Variants in SLC29A4 observed in about 807,000 individuals in gnomAD.
SLC29A4 encodes the protein solute carrier family 29 member 4.
Under a neutral mutation model 43.9 loss-of-function variants are expected in SLC29A4, and 36 were observed. The ratio of observed to expected loss-of-function variants is 0.82; its 90% CI spans 0.63 to 1.08. The LOEUF (loss-of-function observed/expected upper bound fraction) is 1.08, where lower values mean the gene tolerates loss of function less well. Ranked by LOEUF, SLC29A4 falls within the 50% of genes least tolerant of loss-of-function variation. The probability of loss-of-function intolerance (pLI) is 0.00; values close to 1 mark genes in which losing one functional copy is unlikely to be tolerated. For missense variants in SLC29A4, 869 were observed against 755.3 expected (o/e 1.15, Z -1.77); for synonymous variants, 491 against 338.0 (o/e 1.45, Z -4.97).
At chr7:5,285,142 G>T (rs562378435) in intron 1 of SLC29A4, among the ~76,000 whole-genome samples, 1 of 152,122 alleles carries the variant, frequency 6.6e-6, no homozygotes, top group East Asian at 1.9e-4. Context: ...GCCTCCCAAC[G>T]ACTCTTGAGC....
chr7:5,290,635 T>C (rs1004682034), intron 2 of SLC29A4, 97 bp from the exon 3 acceptor site: 3 of 1,485,638 alleles, frequency 2.0e-6, no homozygotes, highest in Non-Finnish European at 2.7e-6. Flanking sequence ...GGACAGTGGC[T>C]ATGGTGATGG....
chr7:5,302,737 A>G lies in SLC29A4; in HGVS notation c.1451-60A>G, dbSNP rs1442307563. 19 of 1,504,314 alleles carry G rather than the reference A, an allele frequency of 1.3e-5. No homozygotes were observed. The Admixed American group carries it at 4.0e-4, about 32-fold the overall frequency. The allele number at this position is 1,504,314 out of a possible 1,614,324, so 93.2% of individuals were successfully genotyped here. A position where few individuals can be genotyped will look rare whatever the true frequency, so the allele number is the denominator to read the frequency against. On this transcript the variant is annotated intron_variant, in intron 10 of 10. Coordinates refer to ENST00000396872, the MANE Select transcript of SLC29A4 (RefSeq NM_153247.4). ...GTGTCACCGCACCTCACACCCGAGC[A>G]GCCGTGGCCACCAGGTGGCCGCCCT...
At chr7:5,299,660 C>T (rs1256830130) in intron 9 of SLC29A4, among the ~76,000 whole-genome samples, 2 of 152,204 alleles carry the variant, frequency 1.3e-5, no homozygotes, top group African/African-American at 4.8e-5. Context: ...ACAGGCGTGG[C>T]CCTCACCCTC....
At chr7:5,295,525 C>T (rs865785682) in intron 6 of SLC29A4, among the ~76,000 whole-genome samples, 1 of 152,360 alleles carries the variant, frequency 6.6e-6, no homozygotes. Flanking sequence ...GTCCCCTGGC[C>T]TCCAGCCCCT....
chr7:5,295,119 C>A (rs1173338330), intron 6 of SLC29A4, among the ~76,000 whole-genome samples, 185 bp downstream of exon 6: 1 of 152,122 alleles, frequency 6.6e-6, no homozygotes, highest in African/African-American at 2.4e-5. Context: ...AAGGGGTGCA[C>A]TCCCACATGG....
intron 10 of SLC29A4, among the ~76,000 whole-genome samples, chr7:5,300,963 G>A (rs1350423461): frequency 1.3e-5 from 2 of 152,188 alleles, no homozygotes; most frequent in Non-Finnish European, 2.9e-5. Context: ...CTGTCCAGAT[G>A]TGGAGGCAGC....
Position 5,305,062 on chromosome 7 carries a change from T to A in SLC29A4, c.*2123T>A, listed in dbSNP as rs1338659987. ...AAGTCTGGGCCTCAAGTGTTCCCCC[T>A]GCCTTGGCCTCCCAAAGTGCCAGGA... is the stretch of plus-strand genomic sequence containing the variant. On this transcript the variant is annotated 3_prime_UTR_variant, in exon 11 of 11. Transcript: ENST00000396872. The A allele has an allele frequency of 6.6e-6, 1 of 152,262 alleles. No individual in the cohort carries two copies. The highest frequency in any genetic ancestry group is 1.5e-5 in the Non-Finnish European group (1 of 68,068). 9.4% of individuals were successfully genotyped at this position (152,262 alleles called of 1,614,324 possible).
chr7:5,300,684 G>C (rs1324677044), intron 10 of SLC29A4, 22 bp downstream of exon 10: 1 of 1,600,576 alleles, frequency 6.2e-7, no homozygotes, highest in Admixed American at 1.7e-5. Context: ...GGGACGTGGG[G>C]GTGGGGGCGT....
At position 5,287,995 on chromosome 7, in the gene SLC29A4, C is replaced by T. The variant is rs372806924; in HGVS notation, c.169+10C>T. The T allele has an allele frequency of 2.2e-5, 35 of 1,603,168 alleles. No individual in the cohort carries two copies. The highest frequency in any genetic ancestry group is 1.9e-4 in the African/African-American group (14 of 74,492). On this transcript the variant is annotated intron_variant, in intron 2 of 10. Coordinates refer to ENST00000396872, the MANE Select transcript of SLC29A4 (RefSeq NM_153247.4). ...GCTTTCACGGATACTAGTAAGTAGG[C>T]GTGCGGGCAAGGTGCGGGTCTTGCC...
Position 5,305,997 on chromosome 7 carries a change from C to T in SLC29A4, c.*3058C>T, listed in dbSNP as rs893959234. ...AAGTAGCTGGGATTACAGGCACGCT[C>T]CACCACACCCGGCTAATTTTTTTGT... On this transcript the variant is annotated 3_prime_UTR_variant, in exon 11 of 11. Coordinates refer to ENST00000396872, the MANE Select transcript of SLC29A4 (RefSeq NM_153247.4). 6.6e-6 allele frequency: 1 copy of T among 152,044 alleles called. No homozygotes were observed. The highest frequency in any genetic ancestry group is 2.4e-5 in the African/African-American group (1 of 41,370). The allele number at this position is 152,044 out of a possible 1,614,324, so 9.4% of individuals were successfully genotyped here. A position where few individuals can be genotyped will look rare whatever the true frequency, so the allele number is the denominator to read the frequency against.
chr7:5,300,785 T>TG, intron 10 of SLC29A4, 123 bp downstream of exon 10: 21 of 1,329,938 alleles, frequency 1.6e-5, no homozygotes, highest in Non-Finnish European at 2.1e-5. Context: ...GAACAGTCAG[T>TG]GTCTGGGAGG....
At chr7:5,298,680 G>A (rs1785891916) in intron 7 of SLC29A4, among the ~76,000 whole-genome samples, 1 of 152,136 alleles carries the variant, frequency 6.6e-6, no homozygotes, top group Non-Finnish European at 1.5e-5. Context: ...CATGGCTGTA[G>A]TCCCTGTTAC....
In SLC29A4 at chr7:5,295,602, C is replaced by A. The variant is rs532625496; in HGVS notation, c.619+668C>A. On this transcript the variant is annotated intron_variant, in intron 6 of 10. Transcript: ENST00000396872. ...GTGGAAGCCCCTCCCTCTCAGGGTT[C>A]CCAATCTTCCTTCTGTGCCTGGACT... is the stretch of plus-strand genomic sequence containing the variant. 1.6e-4 allele frequency among the ~76,000 whole-genome samples: 25 copies of A among 152,356 alleles called. 1 individual carries two copies. The South Asian group carries it at 5.2e-3, about 32-fold the overall frequency.
chr7:5,292,031 C>G (rs1286874220), intron 5 of SLC29A4, among the ~76,000 whole-genome samples: 1 of 152,244 alleles, frequency 6.6e-6, no homozygotes, highest in East Asian at 1.9e-4. Context: ...CAGCGTGTAG[C>G]CACAGAGACT....
intron 5 of SLC29A4, 139 bp from the exon 6 acceptor site, chr7:5,294,721 G>T: frequency 3.6e-6 from 3 of 834,408 alleles, no homozygotes; most frequent in Non-Finnish European, 4.1e-6. Flanking sequence ...CTACTGCTGC[G>T]TGTCAAATCT....
chr7:5,291,569 C>T (rs1785312453), intron 4 of SLC29A4, 124 bp from the exon 5 acceptor site: 3 of 1,327,442 alleles, frequency 2.3e-6, no homozygotes, highest in African/African-American at 2.9e-5. Context: ...GTAAAGCATC[C>T]CTGGCCCTCC....
Position 5,306,171 on chromosome 7 carries a change from C to T in SLC29A4, c.*3232C>T, listed in dbSNP as rs1415839285. ...TCCAACTTAACTTTTAATTTTTTCT[C>T]ATGTAAATTTGTTCAATTTCTTTTT... On this transcript the variant is annotated 3_prime_UTR_variant, in exon 11 of 11. Transcript: ENST00000396872. 6.9e-6 allele frequency: 1 copy of T among 145,014 alleles called. No homozygotes were observed. Among genetic ancestry groups the T allele is most frequent in the African/African-American group, 2.5e-5 (1 of 39,622 alleles). The allele number at this position is 145,014 out of a possible 1,614,324, so 9.0% of individuals were successfully genotyped here.
chr7:5,287,555 T>A (rs770719491), intron 1 of SLC29A4, among the ~76,000 whole-genome samples: 9 of 152,200 alleles, frequency 5.9e-5, no homozygotes, highest in Admixed American at 2.6e-4. Context: ...GTGGTGAAAC[T>A]GAGGCTCAGA....
rs554943607 is a variant in SLC29A4, at chr7:5,304,309, C to G, written c.*1370C>G. On this transcript the variant is annotated 3_prime_UTR_variant, in exon 11 of 11. Transcript: ENST00000396872. ...GCTCACCTTGACCGCCCGCCCCCCC[C>G]ACCCCTTCGTGAGGATCAGGGAGGA... 6.6e-5 allele frequency: 10 copies of G among 150,540 alleles called. No homozygotes were observed. In the East Asian group the frequency reaches 9.7e-4, roughly 15 times the overall value. 9.3% of individuals were successfully genotyped at this position (150,540 alleles called of 1,614,324 possible).
Sources: gnomAD v4.1 joint callset for allele counts (sites outside exome capture counted in the v4.1 genomes callset) on GRCh38, gnomAD v4.1.1 for gene constraint, MANE v1.5 for transcripts, NCBI Gene and HGNC (gene_info 2026-07-23, HGNC 2026-07-21) for gene names.